Variants in CACNA1H observed in about 807,000 individuals in gnomAD.
CACNA1H encodes voltage-dependent T-type calcium channel subunit alpha-1H.
A neutral mutation model predicts 192.5 loss-of-function variants in CACNA1H; 149 were observed. The ratio of observed to expected loss-of-function variants is 0.77; its 90% CI spans 0.68 to 0.89. The LOEUF is 0.89. CACNA1H is among the 40% of genes least tolerant of loss of function. CACNA1H has a pLI of 0.00. For synonymous variants in CACNA1H, 2,202 were observed against 1,475.2 expected (o/e 1.49, Z -11.29); for missense variants, 4,257 against 3,423.5 (o/e 1.24, Z -6.08).
chr16:1,200,585 T>C lies in CACNA1H; in HGVS notation c.1119+14T>C, dbSNP rs1375700723. On this transcript the variant is annotated intron_variant, in intron 7 of 34. Transcript: ENST00000348261. ...GCCATCTTCCAGGTGGGCGGCAAGATGGTGGGACGGGGACCCTGGGGCACG... is the reference window on the plus strand; with the variant it reads ...GCCATCTTCCAGGTGGGCGGCAAGACGGTGGGACGGGGACCCTGGGGCACG... 14 of 1,610,920 alleles carry C rather than the reference T, an allele frequency of 8.7e-6. No homozygotes were observed. The highest frequency in any genetic ancestry group is 1.1e-5 in the South Asian group (1 of 91,062).
At chr16:1,175,188 C>A (rs990363270) in intron 2 of CACNA1H, among the ~76,000 whole-genome samples, 1 of 152,046 alleles carries the variant, frequency 6.6e-6, no homozygotes, top group African/African-American at 2.4e-5. Flanking sequence ...CCCCACGTGA[C>A]GTGAGGCCCT....
In CACNA1H at chr16:1,206,620, G is replaced by A. The variant is rs143407152; in HGVS notation, c.2789+331G>A. 1.5e-3 allele frequency: 664 copies of A among 432,864 alleles called. 4 individuals carry two copies. The highest frequency in any genetic ancestry group is 0.012 in the African/African-American group (604 of 50,194). 26.8% of individuals were successfully genotyped at this position (432,864 alleles called of 1,614,324 possible). A position where few individuals can be genotyped will look rare whatever the true frequency, so the allele number is the denominator to read the frequency against. ...TGTTCTGAGCGCCTGCTGTGTGCCC[G>A]TCTAGCCTGGAGCTCAGGGTCAGGG... On this transcript the variant is annotated intron_variant, in intron 12 of 34. Transcript: ENST00000348261.
rs778266598 is a variant in CACNA1H at position 1,153,836 on chromosome 16, C to G, written c.99C>G (p.Pro33=). ...TGGTGGGGGCGTCCCCGGAGAGCCC[C>G]GGGGCGCCGGGACGCGAGGCGGAGC... is the stretch of plus-strand genomic sequence containing the variant. The part of the protein sequence containing the change: ...AALVGASPES[P]GAPGREAERG... Residue 33 remains proline (P), a synonymous_variant, in exon 2 of 35, where the codon CCC becomes CCG. Coordinates refer to ENST00000348261, the MANE Select transcript of CACNA1H (RefSeq NM_021098.3). 1.5e-6 allele frequency: 2 copies of G among 1,309,726 alleles called. No individual in the cohort carries two copies. The highest frequency in any genetic ancestry group is 1.6e-5 in the African/African-American group (1 of 64,218). 81.1% of individuals were successfully genotyped at this position (1,309,726 alleles called of 1,614,324 possible).
Position 1,221,031 on chromosome 16 carries a change from G to C in CACNA1H, c.*37G>C. On this transcript the variant is annotated 3_prime_UTR_variant, in exon 35 of 35. Coordinates refer to ENST00000348261, the MANE Select transcript of CACNA1H (RefSeq NM_021098.3). ...GTGCCGCCCACGGCTTTGGCCCTGG[G>C]GTCTGGGGGCCCCGCTGGGGTGGAG... is the stretch of plus-strand genomic sequence containing the variant. 6.7e-7 allele frequency: 1 copy of C among 1,497,924 alleles called. No homozygotes were observed. Among genetic ancestry groups the C allele is most frequent in the Non-Finnish European group, 8.9e-7 (1 of 1,124,646 alleles). 92.8% of individuals were successfully genotyped at this position (1,497,924 alleles called of 1,614,324 possible).
chr16:1,216,864 G>T (rs1970067338), intron 30 of CACNA1H, 68 bp from the exon 31 acceptor site: 5 of 1,290,506 alleles, frequency 3.9e-6, no homozygotes, highest in South Asian at 3.8e-5. Flanking sequence ...GGCGCCGAGT[G>T]CCCTGCAGGG....
intron 2 of CACNA1H, among the ~76,000 whole-genome samples, chr16:1,177,755 C>T (rs1965036332): frequency 6.6e-6 from 1 of 151,786 alleles, no homozygotes. Flanking sequence ...CCTGCTTCTG[C>T]CTGTGTCCTC....
rs747067963 is a variant in CACNA1H, at chr16:1,208,203, G to C, written c.3345G>C (p.Leu1115=). ...RGSSSSGDPP[L]GDQKPPASLR... is the part of the protein sequence containing the mutation. ...GCAGCAGCTCCGGGGACCCGCCACT[G>C]GGAGACCAGAAGCCTCCGGTAGGGA... Residue 1115 remains leucine, a synonymous_variant, in exon 16 of 35, where the codon CTG becomes CTC. Coordinates refer to ENST00000348261, the MANE Select transcript of CACNA1H (RefSeq NM_021098.3). The C allele has an allele frequency of 4.5e-6, 7 of 1,564,358 alleles. No homozygotes were observed. In the Admixed American group the frequency reaches 1.3e-4, roughly 29 times the overall value.
intron 8 of CACNA1H, 87 bp from the exon 9 acceptor site, chr16:1,201,576 A>G (rs1428524578): frequency 5.5e-6 from 8 of 1,443,708 alleles, no homozygotes; most frequent in African/African-American, 1.4e-5. Context: ...CGCGGCCCCC[A>G]CTCGAACAGG....
chr16:1,164,948 T>C (rs117618441), intron 2 of CACNA1H, among the ~76,000 whole-genome samples: 1,780 of 152,222 alleles, frequency 0.012, 17 homozygotes, highest in Non-Finnish European at 0.017. Flanking sequence ...TGTTTTCTCC[T>C]TGGGTGCAGC....
chr16:1,158,865 C>A (rs1251227260), intron 2 of CACNA1H, among the ~76,000 whole-genome samples: 1 of 148,330 alleles, frequency 6.7e-6, no homozygotes, highest in Non-Finnish European at 1.5e-5. Flanking sequence ...TCAGCCCGCA[C>A]CCCTGGCCCC....
At position 1,210,659 on chromosome 16, in the gene CACNA1H, G is replaced by C. The variant is rs555282047; in HGVS notation, c.4038+8G>C. On this transcript the variant is annotated splice_region_variant and intron_variant, in intron 20 of 34. Coordinates refer to ENST00000348261, the MANE Select transcript of CACNA1H (RefSeq NM_021098.3). ...GCGGAGATGATGGTGAAGGTACCGC[G>C]GGGCCCGGGGACTGCCCTTGTTCCC... 3 of 1,600,924 alleles carry C rather than the reference G, an allele frequency of 1.9e-6. No homozygotes were observed. The highest frequency in any genetic ancestry group is 2.5e-6 in the Non-Finnish European group (3 of 1,179,178).
intron 5 of CACNA1H, among the ~76,000 whole-genome samples, chr16:1,198,088 C>A (rs1313347393): frequency 1.3e-5 from 2 of 152,186 alleles, no homozygotes; most frequent in African/African-American, 4.8e-5. Context: ...GGATCCCAGA[C>A]CTGCTGCAGA....
chr16:1,171,023 A>C (rs60894532), intron 2 of CACNA1H, among the ~76,000 whole-genome samples: 15,544 of 151,332 alleles, frequency 0.1, 2,181 homozygotes, highest in African/African-American at 0.32. Context: ...TCTCCCCCCA[A>C]CCACTGCACC....
rs11861554 is a variant in CACNA1H, at chr16:1,203,376, C to A, written c.2003-634C>A. Among the ~76,000 whole-genome samples, 739 of 152,030 alleles carry A rather than the reference C, an allele frequency of 4.9e-3. 9 individuals carry two copies. The highest frequency in any genetic ancestry group is 0.017 in the African/African-American group (705 of 41,442). On this transcript the variant is annotated intron_variant, in intron 9 of 34. Coordinates refer to ENST00000348261, the MANE Select transcript of CACNA1H (RefSeq NM_021098.3). ...TAACTTCGCCTGTGTGCTGTGGCTGCTGGGAAGTGGCTGCTGTTATATTTC... is the reference window on the plus strand; with the variant it reads ...TAACTTCGCCTGTGTGCTGTGGCTGATGGGAAGTGGCTGCTGTTATATTTC...
intron 20 of CACNA1H, 49 bp from the exon 21 acceptor site, chr16:1,210,738 C>A: frequency 6.3e-7 from 1 of 1,588,602 alleles, no homozygotes. Flanking sequence ...GCCAGCTCCC[C>A]AGACCCCCCA....
chr16:1,189,641 C>CA (rs1454662946), intron 2 of CACNA1H, among the ~76,000 whole-genome samples: 1 of 152,002 alleles, frequency 6.6e-6, no homozygotes, highest in Non-Finnish European at 1.5e-5. Context: ...AGGCTGGTCT[C>CA]AGACTCCTGG....
chr16:1,172,808 G>T (rs543329056), intron 2 of CACNA1H, among the ~76,000 whole-genome samples: 1 of 152,132 alleles, frequency 6.6e-6, no homozygotes, highest in African/African-American at 2.4e-5. Flanking sequence ...TCCTGTCCAG[G>T]CCCAGGGCTG....
chr16:1,203,799 T>C (rs1350594344), intron 9 of CACNA1H, among the ~76,000 whole-genome samples: 1 of 152,196 alleles, frequency 6.6e-6, no homozygotes, highest in African/African-American at 2.4e-5. Flanking sequence ...CCCTCCCTAC[T>C]CCGGGATAGC....
chr16:1,210,973 T>TG lies in CACNA1H; in HGVS notation c.4223+8dup, dbSNP rs545116263. The TG allele has an allele frequency of 2.1e-4, 341 of 1,592,786 alleles. No homozygotes were observed. In the African/African-American group the frequency reaches 4.1e-3, roughly 19 times the overall value. ...GCTGCGGACCCTGCGGCCTCTGAGGTGGGGGGCTCCCCGTGGGCTCCCGGG... is the reference window on the plus strand; with the variant it reads ...GCTGCGGACCCTGCGGCCTCTGAGGTGGGGGGGCTCCCCGTGGGCTCCCGGG... On this transcript the variant is annotated splice_region_variant and intron_variant, in intron 21 of 34. Coordinates refer to ENST00000348261, the MANE Select transcript of CACNA1H (RefSeq NM_021098.3).
Sources: allele counts gnomAD v4.1 joint callset (sites outside exome capture counted in the v4.1 genomes callset), GRCh38; gene constraint gnomAD v4.1.1; transcripts MANE v1.5; gene names NCBI Gene and HGNC (gene_info 2026-07-23, HGNC 2026-07-21).